Variants in AGBL4 observed in about 807,000 individuals in gnomAD.
AGBL4 encodes the protein AGBL carboxypeptidase 4, also known as cytosolic carboxypeptidase 6.
A neutral mutation model predicts 66.4 loss-of-function variants in AGBL4; 58 were observed. The ratio of observed to expected loss-of-function variants is 0.87; its 90% confidence interval spans 0.71 to 1.09. The LOEUF is 1.09. Among genes scored for constraint, AGBL4 ranks in the 50% least tolerant of loss-of-function variants. The pLI is 0.00. For missense variants in AGBL4, 579 were observed against 631.0 expected (o/e 0.92, Z 0.88); for synonymous variants, 234 against 222.9 (o/e 1.05, Z -0.44).
chr1:49,375,301 C>T (rs572542968), intron 3 of AGBL4, among the ~76,000 whole-genome samples: 1 of 152,150 alleles, frequency 6.6e-6, no homozygotes, highest in South Asian at 2.1e-4. Flanking sequence ...TCTTGCATAT[C>T]CAGTTATAGA....
At chr1:49,612,117 T>A (rs1293518834) in intron 3 of AGBL4, among the ~76,000 whole-genome samples, 1 of 152,224 alleles carries the variant, frequency 6.6e-6, no homozygotes, top group Non-Finnish European at 1.5e-5. Context: ...CTTCCAAATC[T>A]ATGATAAATG....
intron 2 of AGBL4, among the ~76,000 whole-genome samples, chr1:49,753,379 G>A (rs1222340845): frequency 1.3e-5 from 2 of 152,182 alleles, no homozygotes; most frequent in Non-Finnish European, 2.9e-5. Context: ...TTTTCTTTGA[G>A]AATGTTGAAT....
At chr1:49,213,214 G>C (rs1648808670) in intron 4 of AGBL4, among the ~76,000 whole-genome samples, 1 of 152,106 alleles carries the variant, frequency 6.6e-6, no homozygotes, top group Admixed American at 6.6e-5. Flanking sequence ...ACAGAATGGA[G>C]AACAAATTCA....
chr1:48,705,436 T>G (rs1051358328), intron 6 of AGBL4, among the ~76,000 whole-genome samples: 2 of 152,246 alleles, frequency 1.3e-5, no homozygotes, highest in Admixed American at 1.3e-4. Context: ...TAACATTTAT[T>G]GCATACTTGC....
At chr1:49,872,503 A>G (rs1203952737) in intron 1 of AGBL4, among the ~76,000 whole-genome samples, 1 of 152,098 alleles carries the variant, frequency 6.6e-6, no homozygotes, top group Non-Finnish European at 1.5e-5. Flanking sequence ...ACTTGTGGCT[A>G]AGTAAAAAAT....
At chr1:48,561,928 A>G (rs1168721611) in intron 11 of AGBL4, among the ~76,000 whole-genome samples, 1 of 152,220 alleles carries the variant, frequency 6.6e-6, no homozygotes, top group Non-Finnish European at 1.5e-5. Flanking sequence ...TCTTTATAAT[A>G]AATGTCTTTA....
rs138695276 is a variant in AGBL4, at chr1:49,619,880, C to G, written c.282+77433G>C. Among the ~76,000 whole-genome samples, 905 of 152,258 alleles carry G rather than the reference C, an allele frequency of 5.9e-3. 9 individuals carry two copies. Among genetic ancestry groups the G allele is most frequent in the African/African-American group, 0.02 (829 of 41,544 alleles). ...AAACAAGCAATGGGGAAAGGATTCC[C>G]TATTTAATAAATGGTTTTGGGAAAA... On this transcript the variant is annotated intron_variant, in intron 3 of 13. Coordinates refer to ENST00000371839, the MANE Select transcript of AGBL4 (RefSeq NM_032785.4).
intron 4 of AGBL4, among the ~76,000 whole-genome samples, chr1:49,130,856 C>A (rs1645878181): frequency 1.3e-5 from 2 of 152,070 alleles, no homozygotes. Flanking sequence ...TGAAGAAAGT[C>A]TGTCAGATAT....
At chr1:48,621,338 A>G (rs957712519) in intron 9 of AGBL4, among the ~76,000 whole-genome samples, 4 of 152,178 alleles carry the variant, frequency 2.6e-5, no homozygotes. Context: ...GGCTGGATTC[A>G]AGAGGCTTTT....
intron 3 of AGBL4, among the ~76,000 whole-genome samples, chr1:49,694,401 C>G (rs1646945637): frequency 6.6e-6 from 1 of 152,050 alleles, no homozygotes; most frequent in Non-Finnish European, 1.5e-5. Flanking sequence ...CTTCTTGCGA[C>G]AGATTTCCAT....
chr1:48,605,623 A>C (rs1400711476), intron 9 of AGBL4, among the ~76,000 whole-genome samples: 1 of 152,230 alleles, frequency 6.6e-6, no homozygotes, highest in African/African-American at 2.4e-5. Context: ...AGCACTCCTC[A>C]GGACCTGAAA....
At chr1:49,277,285 T>C (rs970584352) in intron 3 of AGBL4, among the ~76,000 whole-genome samples, 21 of 152,212 alleles carry the variant, frequency 1.4e-4, no homozygotes, top group African/African-American at 4.8e-4. Flanking sequence ...TCAATTGTTA[T>C]CCTTTAAATT....
intron 3 of AGBL4, among the ~76,000 whole-genome samples, chr1:49,564,394 A>T (rs1644136912): frequency 6.6e-6 from 1 of 151,848 alleles, no homozygotes; most frequent in East Asian, 1.9e-4. Context: ...TTTAATTGTG[A>T]TGTTAGGGTG....
chr1:49,929,417 G>A (rs986955911), intron 1 of AGBL4, among the ~76,000 whole-genome samples: 1 of 151,548 alleles, frequency 6.6e-6, no homozygotes, highest in African/African-American at 2.4e-5. Flanking sequence ...AAACTACCTA[G>A]AACAAAGTGG....
chr1:48,560,212 C>T (rs1010761962), intron 11 of AGBL4, among the ~76,000 whole-genome samples: 2 of 152,196 alleles, frequency 1.3e-5, no homozygotes, highest in African/African-American at 4.8e-5. Context: ...ATCATTCAAC[C>T]TCTTTGAGTT....
intron 3 of AGBL4, among the ~76,000 whole-genome samples, chr1:49,618,120 T>C (rs1450243276): frequency 2.0e-5 from 3 of 152,194 alleles, no homozygotes; most frequent in East Asian, 3.8e-4. Flanking sequence ...TTTTCTGTTC[T>C]TCTGTTAGTT....
At chr1:49,654,490 T>C (rs1646076661) in intron 3 of AGBL4, among the ~76,000 whole-genome samples, 1 of 152,216 alleles carries the variant, frequency 6.6e-6, no homozygotes, top group Admixed American at 6.5e-5. Flanking sequence ...GTTAGCTTTC[T>C]GTCTCGTTGA....
chr1:48,663,038 C>A, intron 7 of AGBL4, 114 bp downstream of exon 7: 4 of 915,996 alleles, frequency 4.4e-6, no homozygotes, highest in South Asian at 3.3e-5. Context: ...TAAAGAAATG[C>A]ATTAAATTTC....
chr1:48,792,085 G>A (rs563801442), intron 6 of AGBL4, among the ~76,000 whole-genome samples: 1 of 152,262 alleles, frequency 6.6e-6, no homozygotes, highest in South Asian at 2.1e-4. Flanking sequence ...TTAACATGAG[G>A]TCATTAGGCT....
Sources: gnomAD v4.1 joint callset for allele counts (sites outside exome capture counted in the v4.1 genomes callset) on GRCh38, gnomAD v4.1.1 for gene constraint, MANE v1.5 for transcripts, NCBI Gene and HGNC (gene_info 2026-07-23, HGNC 2026-07-21) for gene names.